TPX2: variants seen among roughly 807,000 people sequenced by gnomAD.
The protein encoded by TPX2 is targeting protein for Xklp2.
TPX2 carries 21 observed loss-of-function variants against 93.6 expected under a neutral mutation model. The observed-to-expected ratio is 0.22, with a 90% CI of 0.16 to 0.32. TPX2 has a LOEUF of 0.32. TPX2 is among the 10% of genes least tolerant of loss of function. The pLI is 1.00. For missense variants in TPX2, 776 were observed against 871.1 expected (o/e 0.89, Z 1.37); for synonymous variants, 281 against 298.3 (o/e 0.94, Z 0.60).
At chr20:31,796,869 TA>T (rs1408597332) in intron 15 of TPX2, among the ~76,000 whole-genome samples, 1 of 152,102 alleles carries the variant, frequency 6.6e-6, no homozygotes, top group Non-Finnish European at 1.5e-5. Context: ...AATTGACAAA[TA>T]ATAGTTGTAC....
intron 2 of TPX2, among the ~76,000 whole-genome samples, chr20:31,748,946 ATTTT>A (rs11482521): frequency 7.1e-6 from 1 of 141,426 alleles, no homozygotes; most frequent in Non-Finnish European, 1.5e-5. Flanking sequence ...TTAAATGTGA[ATTTT>A]TTTTTTTTTT....
chr20:31,785,322 AAACAGTGTTGTGAATAC>A (rs1200899120), intron 12 of TPX2, among the ~76,000 whole-genome samples: 1 of 152,196 alleles, frequency 6.6e-6, no homozygotes, highest in Non-Finnish European at 1.5e-5. Context: ...CCCATTGAGG[AAACAGTGTTGTGAATAC>A]AACAAGGGAA....
intron 1 of TPX2, among the ~76,000 whole-genome samples, chr20:31,741,386 A>G (rs1050529637): frequency 1.3e-5 from 2 of 150,982 alleles, no homozygotes; most frequent in Non-Finnish European, 2.9e-5. Flanking sequence ...ATTTCAGCTC[A>G]CTGCAACTTC....
chr20:31,743,563 G>A (rs2061765568), intron 2 of TPX2, among the ~76,000 whole-genome samples: 1 of 151,856 alleles, frequency 6.6e-6, no homozygotes, highest in Non-Finnish European at 1.5e-5. Flanking sequence ...GGGCGTGGTG[G>A]CACCTACTTG....
chr20:31,757,411 T>G lies in TPX2; in HGVS notation c.-66T>G. The stretch of plus-strand genomic sequence containing the variant: ...TGCAACCATTTCTTTCCTCAGAAGG[T>G]GACCTGCTGAGAAAAGTGGTACAAA... On this transcript the variant is annotated 5_prime_UTR_variant, in exon 3 of 18. Transcript: ENST00000300403. 3.9e-6 allele frequency: 5 copies of G among 1,287,902 alleles called. No homozygotes were observed. The highest frequency in any genetic ancestry group is 5.6e-6 in the Non-Finnish European group (5 of 897,594). The allele number at this position is 1,287,902 out of a possible 1,614,324, so 79.8% of individuals were successfully genotyped here.
At chr20:31,799,529 G>A (rs1247257797) in intron 17 of TPX2, among the ~76,000 whole-genome samples, 1 of 152,080 alleles carries the variant, frequency 6.6e-6, no homozygotes, top group Non-Finnish European at 1.5e-5. Flanking sequence ...ATCTCACATA[G>A]TAACCATTCC....
chr20:31,788,942 C>G (rs376493196), intron 12 of TPX2, among the ~76,000 whole-genome samples: 1 of 152,238 alleles, frequency 6.6e-6, no homozygotes, highest in African/African-American at 2.4e-5. Flanking sequence ...CTGGGACAGG[C>G]CTGAGATCCT....
chr20:31,755,415 CAA>C (rs2122973570), intron 2 of TPX2, among the ~76,000 whole-genome samples: 1 of 152,120 alleles, frequency 6.6e-6, no homozygotes, highest in East Asian at 1.9e-4. Flanking sequence ...AACATTTATT[CAA>C]GTGATTACTG....
Position 31,801,028 on chromosome 20 carries a change from A to G in TPX2, c.2192A>G (p.Gln731Arg). The part of the protein sequence containing the change: ...YQGLEIKSSD[Q>R]PLTVPVSPKF... ...GGTCTGGAGATAAAGTCAAGTGACC[A>G]GCCTCTGACTGTGCCTGTATCTCCC... The change falls in exon 18 of 18, where the codon CAG becomes CGG. Residue 731 changes from glutamine (Q) to arginine (R), a missense_variant. Gln to Arg is a conservative substitution (Grantham distance 43, BLOSUM62 1). This residue lies in a region of TPX2 where 461 missense variants were observed against 551.2 expected (regional missense o/e 0.84). Transcript: ENST00000300403. 1 of 1,614,226 alleles carries G rather than the reference A, an allele frequency of 6.2e-7. No individual in the cohort carries two copies.
intron 12 of TPX2, among the ~76,000 whole-genome samples, chr20:31,786,401 T>TTTTTTTTTTGTTTG (rs1262618558): frequency 1.7e-5 from 2 of 115,670 alleles, no homozygotes; most frequent in African/African-American, 7.5e-5. Context: ...TGAACTACTG[T>TTTTTTTTTTGTTTG]TTTTTTTTTT....
chr20:31,777,434 TG>T (rs1451561135), intron 8 of TPX2, 52 bp from the exon 9 acceptor site: 1 of 1,579,312 alleles, frequency 6.3e-7, no homozygotes, highest in Non-Finnish European at 8.6e-7. Context: ...GGGGATTTAC[TG>T]GTGTTCCCTA....
intron 4 of TPX2, among the ~76,000 whole-genome samples, chr20:31,764,046 T>TAC (rs945862329): frequency 6.6e-6 from 1 of 151,568 alleles, no homozygotes; most frequent in Admixed American, 6.6e-5. Context: ...TACATATATA[T>TAC]ACACACACAC....
intron 2 of TPX2, among the ~76,000 whole-genome samples, chr20:31,747,361 G>A (rs767689507): frequency 1.3e-5 from 2 of 152,066 alleles, no homozygotes; most frequent in Non-Finnish European, 2.9e-5. Flanking sequence ...TTCGTGATCC[G>A]CCTGCCTTGG....
chr20:31,748,278 A>G (rs1271392159), intron 2 of TPX2, among the ~76,000 whole-genome samples: 1 of 152,184 alleles, frequency 6.6e-6, no homozygotes, highest in African/African-American at 2.4e-5. Flanking sequence ...CACTAATCAA[A>G]TGTAGTCTTA....
chr20:31,794,302 G>A (rs2062121191), intron 14 of TPX2, 100 bp from the exon 15 acceptor site: 2 of 1,459,848 alleles, frequency 1.4e-6, no homozygotes, highest in Middle Eastern at 1.8e-4. Flanking sequence ...TGCTTTGAAA[G>A]GTTTCCTTCC....
At chr20:31,776,447 G>T (rs1234383149) in intron 8 of TPX2, among the ~76,000 whole-genome samples, 2 of 151,942 alleles carry the variant, frequency 1.3e-5, no homozygotes, top group African/African-American at 2.4e-5. Context: ...GCATAAAAAA[G>T]ATGTGTTTAT....
At chr20:31,800,536 G>A (rs1183859804) in intron 17 of TPX2, among the ~76,000 whole-genome samples, 1 of 152,098 alleles carries the variant, frequency 6.6e-6, no homozygotes, top group African/African-American at 2.4e-5. Flanking sequence ...GTTGTGTTTT[G>A]TTTTTGCTTT....
intron 3 of TPX2, among the ~76,000 whole-genome samples, chr20:31,757,837 T>G (rs1009603916): frequency 7.9e-5 from 12 of 152,202 alleles, no homozygotes; most frequent in African/African-American, 2.9e-4. Flanking sequence ...ATGGGAAAGT[T>G]CAGATGAACC....
At chr20:31,792,211 T>C (rs1317025492) in intron 12 of TPX2, among the ~76,000 whole-genome samples, 6 of 151,622 alleles carry the variant, frequency 4.0e-5, no homozygotes, top group African/African-American at 1.2e-4. Context: ...AAAAAATGAT[T>C]AGCTGGGCAA....
Sources: gnomAD v4.1 joint callset for allele counts (sites outside exome capture counted in the v4.1 genomes callset) on GRCh38, gnomAD v4.1.1 for gene constraint, gnomAD v4.1.1 regional missense constraint, MANE v1.5 for transcripts, NCBI Gene and HGNC (gene_info 2026-07-23, HGNC 2026-07-21) for gene names.